The following MECOM variants were observed in gnomAD, a reference collection of about 807,000 sequenced individuals.
MECOM encodes the protein MDS1 and EVI1 complex locus.
Under a neutral mutation model 116.3 loss-of-function variants are expected in MECOM, and 13 were observed. That is an observed-to-expected ratio of 0.11 (90% CI 0.07 to 0.18). The LOEUF (loss-of-function observed/expected upper bound fraction) is 0.18, where lower values mean the gene tolerates loss of function less well. Ranked by LOEUF, MECOM falls within the 10% of genes least tolerant of loss-of-function variation. The pLI is 1.00. For missense variants in MECOM, 1,299 were observed against 1,509.0 expected (o/e 0.86, Z 2.31); for synonymous variants, 528 against 535.2 (o/e 0.99, Z 0.19).
intron 1 of MECOM, among the ~76,000 whole-genome samples, chr3:169,471,680 A>G (rs148369964): frequency 6.6e-5 from 10 of 152,254 alleles, no homozygotes; most frequent in Non-Finnish European, 1.3e-4. Flanking sequence ...CTATGTGCCT[A>G]TAATTTCTTG....
At chr3:169,509,774 G>C (rs188532650) in intron 1 of MECOM, among the ~76,000 whole-genome samples, 20 of 152,332 alleles carry the variant, frequency 1.3e-4, no homozygotes, top group Admixed American at 3.9e-4. Context: ...TGGGCATTTA[G>C]GTTGTTTGCA....
chr3:169,366,260 C>CCTA (rs1159450618), intron 2 of MECOM, among the ~76,000 whole-genome samples: 1 of 151,898 alleles, frequency 6.6e-6, no homozygotes, highest in Non-Finnish European at 1.5e-5. Context: ...CATCTGTGCT[C>CCTA]CTACTGTTTA....
intron 2 of MECOM, among the ~76,000 whole-genome samples, chr3:169,213,508 T>C (rs1230954816): frequency 3.9e-5 from 6 of 152,092 alleles, no homozygotes; most frequent in Non-Finnish European, 1.5e-5. Flanking sequence ...TTTTATCCTA[T>C]TAAAAAAGTG....
rs554733745 is a variant in MECOM at position 169,399,752 on chromosome 3, A to G, written c.38-18228T>C. 2.6e-5 allele frequency among the ~76,000 whole-genome samples: 4 copies of G among 152,300 alleles called. No homozygotes were observed. In the South Asian group the frequency reaches 8.3e-4, roughly 32 times the overall value. ...TTTTTGTGGAGTTTTTTAAAGAAAC[A>G]TTTTGCTTTTTTGTTTTGGACTTGA... On this transcript the variant is annotated intron_variant, in intron 1 of 16. Transcript: ENST00000651503.
chr3:169,562,035 A>T, intron 1 of MECOM, among the ~76,000 whole-genome samples: 1 of 149,346 alleles, frequency 6.7e-6, no homozygotes, highest in Non-Finnish European at 1.5e-5. Context: ...AGTCCCAGCT[A>T]CTTGGGAGGC....
chr3:169,330,169 G>A (rs1453001292), intron 2 of MECOM, among the ~76,000 whole-genome samples: 1 of 152,136 alleles, frequency 6.6e-6, no homozygotes, highest in Admixed American at 6.5e-5. Flanking sequence ...GAGACTGCAG[G>A]TATCTGCCAC....
chr3:169,154,890 T>C (rs2149333858), intron 2 of MECOM, among the ~76,000 whole-genome samples: 1 of 152,292 alleles, frequency 6.6e-6, no homozygotes, highest in Admixed American at 6.5e-5. Context: ...TTATGTCTGC[T>C]GATTTTTACC....
intron 1 of MECOM, among the ~76,000 whole-genome samples, chr3:169,465,874 G>A (rs1027594357): frequency 4.6e-5 from 7 of 151,940 alleles, no homozygotes; most frequent in Admixed American, 2.0e-4. Context: ...AGTTCTTCTG[G>A]GCTTTAGCTC....
At chr3:169,135,780 A>G (rs1475845310) in intron 3 of MECOM, among the ~76,000 whole-genome samples, 1 of 151,924 alleles carries the variant, frequency 6.6e-6, no homozygotes, top group East Asian at 1.9e-4. Flanking sequence ...TGAATATTAT[A>G]TTTGGATCTC....
At chr3:169,167,755 A>G (rs959435193) in intron 2 of MECOM, among the ~76,000 whole-genome samples, 2 of 152,102 alleles carry the variant, frequency 1.3e-5, no homozygotes, top group Admixed American at 6.6e-5. Context: ...TTTGACATAT[A>G]CACATACACA....
At chr3:169,264,956 C>T (rs569861080) in intron 2 of MECOM, among the ~76,000 whole-genome samples, 47 of 151,800 alleles carry the variant, frequency 3.1e-4, no homozygotes, top group East Asian at 9.7e-4. Context: ...ACTGTTGCTT[C>T]GAGTAGTTAC....
At chr3:169,580,087 C>T (rs936750899) in intron 1 of MECOM, among the ~76,000 whole-genome samples, 2 of 152,190 alleles carry the variant, frequency 1.3e-5, no homozygotes, top group African/African-American at 4.8e-5. Flanking sequence ...CAGGAAATAG[C>T]TGGTACTATC....
chr3:169,242,855 CT>C (rs68094882), intron 2 of MECOM, among the ~76,000 whole-genome samples: 1,546 of 142,270 alleles, frequency 0.011, 11 homozygotes, highest in Middle Eastern at 0.033. Context: ...AGACTGCTTG[CT>C]TTTTTTTTTT....
intron 2 of MECOM, among the ~76,000 whole-genome samples, chr3:169,206,295 A>G (rs1378083780): frequency 2.0e-5 from 3 of 152,176 alleles, no homozygotes; most frequent in Non-Finnish European, 4.4e-5. Flanking sequence ...GAAAGATCTA[A>G]TAATCACAGT....
chr3:169,430,683 T>C (rs1303395001), intron 1 of MECOM, among the ~76,000 whole-genome samples: 2 of 152,226 alleles, frequency 1.3e-5, no homozygotes, highest in Non-Finnish European at 2.9e-5. Flanking sequence ...ATTTGTTACC[T>C]GCTAGTTCCA....
chr3:169,478,025 G>A lies in MECOM; in HGVS notation c.38-96501C>T, dbSNP rs1477767885. Among the ~76,000 whole-genome samples, 3 of 152,158 alleles carry A rather than the reference G, an allele frequency of 2.0e-5. No homozygotes were observed. The East Asian group carries it at 5.8e-4, about 29-fold the overall frequency. ...ATAATTAAGGTGTATTATTTGTCAG[G>A]GAGGTCAACGGTGAACAAATGTCCT... On this transcript the variant is annotated intron_variant, in intron 1 of 16. Coordinates refer to ENST00000651503, the MANE Select transcript of MECOM (RefSeq NM_004991.4).
chr3:169,140,683 GA>G (rs34992808), intron 3 of MECOM, among the ~76,000 whole-genome samples: 126,963 of 149,134 alleles, frequency 0.85, 54,321 homozygotes, highest in Non-Finnish European at 0.89. Flanking sequence ...CATTCTGTCT[GA>G]AAAAAAAAAA....
At chr3:169,484,871 C>G (rs962933171) in intron 1 of MECOM, among the ~76,000 whole-genome samples, 2 of 23,082 alleles carry the variant, frequency 8.7e-5, no homozygotes, top group Admixed American at 6.0e-4. Context: ...AGTAGTAAAG[C>G]AAGCACCGAG....
intron 2 of MECOM, chr3:169,149,638 A>C: frequency 4.0e-6 from 2 of 494,384 alleles, no homozygotes; most frequent in Non-Finnish European, 8.1e-6. Flanking sequence ...AGGAAGGCAC[A>C]CTGCAGTCCA....
Sources: gnomAD v4.1 joint callset for allele counts (sites outside exome capture counted in the v4.1 genomes callset) on GRCh38, gnomAD v4.1.1 for gene constraint, MANE v1.5 for transcripts, NCBI Gene and HGNC (gene_info 2026-07-23, HGNC 2026-07-21) for gene names.